KCNN2: variants seen among roughly 807,000 people sequenced by gnomAD.
KCNN2 encodes the protein potassium calcium-activated channel subfamily N member 2.
Under a neutral mutation model 55.5 loss-of-function variants are expected in KCNN2, and 24 were observed. That is an observed-to-expected ratio of 0.43 (90% CI 0.31 to 0.61). The LOEUF (loss-of-function observed/expected upper bound fraction) is 0.61, where lower values mean the gene tolerates loss of function less well. KCNN2 is among the 20% of genes least tolerant of loss of function. KCNN2 has a pLI of 0.08. For synonymous variants in KCNN2, 431 were observed against 336.1 expected (o/e 1.28, Z -3.09); for missense variants, 754 against 853.6 (o/e 0.88, Z 1.45).
chr5:114,359,138 C>T (rs1399476139), upstream of KCNN2, among the ~76,000 whole-genome samples: 1 of 152,198 alleles, frequency 6.6e-6, no homozygotes. Flanking sequence ...TTGATTTGCT[C>T]TCTGTCCAAT....
chr5:114,232,357 A>T (rs945429720), intron 2 of KCNN2, among the ~76,000 whole-genome samples: 1 of 151,288 alleles, frequency 6.6e-6, no homozygotes, highest in Admixed American at 6.6e-5. Flanking sequence ...CTTAAATCAT[A>T]TAGTACTTTC....
At position 114,379,817 on chromosome 5, in the gene KCNN2, A is replaced by G. The variant is rs1395349265; in HGVS notation, c.1218+15816A>G. Reference sequence around the variant, plus strand: ...TAGAATATATTATATAACATATTATATATTTATAGAATATATTATATAGCT... The same window carrying G: ...TAGAATATATTATATAACATATTATGTATTTATAGAATATATTATATAGCT... On this transcript the variant is annotated intron_variant, in intron 2 of 7. Coordinates refer to ENST00000673685, the MANE Select transcript of KCNN2 (RefSeq NM_021614.4). Among the ~76,000 whole-genome samples, 5 of 144,244 alleles carry G rather than the reference A, an allele frequency of 3.5e-5. No homozygotes were observed. The South Asian group carries it at 1.1e-3, about 31-fold the overall frequency. The allele number at this position is 144,244 out of a possible 152,430, so 94.6% of individuals were successfully genotyped here. A position where few individuals can be genotyped will look rare whatever the true frequency, so the allele number is the denominator to read the frequency against.
chr5:114,056,831 T>C (rs887772712), intron 1 of KCNN2, among the ~76,000 whole-genome samples: 4 of 152,172 alleles, frequency 2.6e-5, no homozygotes, highest in Admixed American at 6.5e-5. Context: ...CTTTTATTTA[T>C]TTTGCCATCC....
chr5:114,241,722 G>GTA (rs1227701848), intron 2 of KCNN2, among the ~76,000 whole-genome samples: 7 of 76,466 alleles, frequency 9.2e-5, no homozygotes, highest in African/African-American at 4.0e-4. Flanking sequence ...ATATATATAC[G>GTA]TATATATATA....
At position 114,490,070 on chromosome 5, in the gene KCNN2, T is replaced by C. The variant is rs533912897; in HGVS notation, c.2018+2893T>C. ...CTTTTCAGTAATTGTCTTTTTAGAT[T>C]GTCACTTAGTGTCGTGAAGTGTTCT... is the stretch of plus-strand genomic sequence containing the variant. On this transcript the variant is annotated intron_variant, in intron 6 of 7. Transcript: ENST00000673685. Among the ~76,000 whole-genome samples the C allele has an allele frequency of 2.4e-4, 37 of 152,318 alleles. No individual in the cohort carries two copies. In the East Asian group the frequency reaches 6.8e-3, roughly 28 times the overall value.
At chr5:114,493,117 A>G (rs1329285860) in intron 6 of KCNN2, among the ~76,000 whole-genome samples, 1 of 152,010 alleles carries the variant, frequency 6.6e-6, no homozygotes, top group African/African-American at 2.4e-5. Flanking sequence ...GCTTTTTCTC[A>G]TATGGTTAAA....
intron 1 of KCNN2, among the ~76,000 whole-genome samples, chr5:114,059,282 C>T (rs1054205241): frequency 2.6e-5 from 4 of 152,216 alleles, no homozygotes; most frequent in South Asian, 2.1e-4. Flanking sequence ...GGAAGATTCA[C>T]GTTCAAAGAA....
At chr5:114,331,354 C>T (rs2150033163) in intron 2 of KCNN2, among the ~76,000 whole-genome samples, 1 of 152,268 alleles carries the variant, frequency 6.6e-6, no homozygotes, top group African/African-American at 2.4e-5. Context: ...CTGTTTTCCC[C>T]TCTCAGTGTG....
At chr5:114,278,929 A>G (rs1252597207) in intron 2 of KCNN2, among the ~76,000 whole-genome samples, 1 of 152,182 alleles carries the variant, frequency 6.6e-6, no homozygotes, top group Non-Finnish European at 1.5e-5. Context: ...TTGGAAATGC[A>G]GAAATCACCG....
At chr5:114,314,065 C>T (rs1183675551) in intron 2 of KCNN2, among the ~76,000 whole-genome samples, 1 of 152,108 alleles carries the variant, frequency 6.6e-6, no homozygotes, top group Admixed American at 6.6e-5. Context: ...TCGTGGATCA[C>T]TTTTCTTGTT....
intron 1 of KCNN2, among the ~76,000 whole-genome samples, chr5:114,085,689 G>A (rs1468060833): frequency 6.6e-6 from 1 of 151,946 alleles, no homozygotes; most frequent in African/African-American, 2.4e-5. Flanking sequence ...AATGTTTCGA[G>A]TGCACTTGAA....
chr5:114,195,694 A>G (rs1753541598), intron 1 of KCNN2, among the ~76,000 whole-genome samples: 1 of 151,940 alleles, frequency 6.6e-6, no homozygotes, highest in African/African-American at 2.4e-5. Flanking sequence ...GCTAATTACT[A>G]TGTCTTGCAC....
chr5:114,432,550 C>T (rs338666), intron 3 of KCNN2, among the ~76,000 whole-genome samples: 74,593 of 151,990 alleles, frequency 0.49, 20,185 homozygotes, highest in East Asian at 0.82. Flanking sequence ...TCGCTCTCGG[C>T]GCCTCCTCTG....
intron 7 of KCNN2, among the ~76,000 whole-genome samples, chr5:114,495,633 A>G (rs1748074809): frequency 6.6e-6 from 1 of 152,186 alleles, no homozygotes; most frequent in Admixed American, 6.5e-5. Context: ...TCCTGATACC[A>G]CCTAAAATCA....
intron 2 of KCNN2, among the ~76,000 whole-genome samples, chr5:114,314,754 C>T (rs1315294026): frequency 6.6e-6 from 1 of 152,050 alleles, no homozygotes; most frequent in Non-Finnish European, 1.5e-5. Flanking sequence ...TTAGAGATAA[C>T]CCAGGCCCAC....
At chr5:114,222,200 A>G (rs1754153464) in intron 2 of KCNN2, among the ~76,000 whole-genome samples, 1 of 152,228 alleles carries the variant, frequency 6.6e-6, no homozygotes, top group South Asian at 2.1e-4. Flanking sequence ...AGCAAGGAAT[A>G]AAAAGGGGAG....
At chr5:114,130,570 T>A (rs920112670) in intron 1 of KCNN2, among the ~76,000 whole-genome samples, 1 of 152,212 alleles carries the variant, frequency 6.6e-6, no homozygotes, top group East Asian at 1.9e-4. Flanking sequence ...TTTTGCCATC[T>A]CAGCTTCATA....
chr5:114,185,804 A>G (rs1753319012), intron 1 of KCNN2, among the ~76,000 whole-genome samples: 2 of 152,210 alleles, frequency 1.3e-5, no homozygotes, highest in Admixed American at 1.3e-4. Context: ...GACAAGGAGG[A>G]GCCTTGTCAT....
intron 3 of KCNN2, among the ~76,000 whole-genome samples, chr5:114,431,150 G>A (rs530391620): frequency 5.3e-5 from 8 of 152,154 alleles, no homozygotes; most frequent in Non-Finnish European, 2.9e-5. Context: ...TCTAGAAGAC[G>A]TTGTAGAGAA....
Sources: gnomAD v4.1 joint callset for allele counts (sites outside exome capture counted in the v4.1 genomes callset) on GRCh38, gnomAD v4.1.1 for gene constraint, MANE v1.5 for transcripts, NCBI Gene and HGNC (gene_info 2026-07-23, HGNC 2026-07-21) for gene names.